The following MYO7B variants were observed in gnomAD, a reference collection of about 807,000 sequenced individuals.
MYO7B encodes unconventional myosin-VIIb.
In MYO7B, 212 loss-of-function variants were observed where a neutral mutation model predicts 259.7. That is an observed-to-expected ratio of 0.82 (90% CI 0.73 to 0.91). The LOEUF is 0.91. Ranked by LOEUF, MYO7B falls within the 40% of genes least tolerant of loss-of-function variation. MYO7B has a pLI of 0.00. For missense variants in MYO7B, 2,732 were observed against 2,813.5 expected (o/e 0.97, Z 0.66); for synonymous variants, 1,197 against 1,166.4 (o/e 1.03, Z -0.54).
Position 127,539,297 on chromosome 2 carries a change from T to C in MYO7B, c.-24+3466T>C, listed in dbSNP as rs1490499264. On this transcript the variant is annotated intron_variant, in intron 1 of 47. Coordinates refer to ENST00000409816, the MANE Select transcript of MYO7B (RefSeq NM_001393586.1). This position sits in a 1 kb window ranked among gnomAD's most constrained non-coding sequence, Gnocchi z 4.0. Reference sequence around the variant, plus strand: ...TACACTGCAGCTGGGAAAATGTTAGTAAACAAAATGTACATCAGAAAATCC... The same window carrying C: ...TACACTGCAGCTGGGAAAATGTTAGCAAACAAAATGTACATCAGAAAATCC... 6.6e-6 allele frequency among the ~76,000 whole-genome samples: 1 copy of C among 152,326 alleles called. No homozygotes were observed. The highest frequency in any genetic ancestry group is 6.5e-5 in the Admixed American group (1 of 15,300).
intron 5 of MYO7B, among the ~76,000 whole-genome samples, chr2:127,568,112 A>C (rs573931168): frequency 1.3e-5 from 2 of 152,332 alleles, no homozygotes; most frequent in South Asian, 4.1e-4. Flanking sequence ...CCAGTGGTAC[A>C]CAGCAGTGAA....
intron 16 of MYO7B, 30 bp from the exon 17 acceptor site, chr2:127,592,764 G>A: frequency 1.3e-6 from 2 of 1,595,196 alleles, no homozygotes; most frequent in South Asian, 2.3e-5. Flanking sequence ...TGGGGCTTGC[G>A]CTGGGTCAGC....
intron 9 of MYO7B, among the ~76,000 whole-genome samples, chr2:127,579,084 A>G (rs771147146): frequency 1.4e-4 from 21 of 152,172 alleles, no homozygotes; most frequent in Non-Finnish European, 2.9e-4. Flanking sequence ...GGAATGTGTG[A>G]GCTGGAGGGA....
rs778712199 is a variant in MYO7B at position 127,584,340 on chromosome 2, T to C, written c.1554+8T>C. ...GAAAGCCGCTTCCCGCAGGTGTGTG[T>C]TCGGGCCTGCCGACCTTCTGGTGGA... On this transcript the variant is annotated splice_region_variant and intron_variant, in intron 13 of 47. Coordinates refer to ENST00000409816, the MANE Select transcript of MYO7B (RefSeq NM_001393586.1). This position sits in a 1 kb window ranked among gnomAD's most constrained non-coding sequence, Gnocchi z 5.8. 24 of 1,613,474 alleles carry C rather than the reference T, an allele frequency of 1.5e-5. No homozygotes were observed. Among genetic ancestry groups the C allele is most frequent in the Non-Finnish European group, 1.9e-5 (22 of 1,179,684 alleles).
intron 3 of MYO7B, among the ~76,000 whole-genome samples, chr2:127,564,670 G>A (rs534098739): frequency 6.6e-6 from 1 of 152,256 alleles, no homozygotes; most frequent in East Asian, 1.9e-4. Context: ...GCTAGGTGGT[G>A]AGCAGGGAAG....
chr2:127,565,743 C>T (rs987667530), intron 4 of MYO7B, among the ~76,000 whole-genome samples: 1 of 152,214 alleles, frequency 6.6e-6, no homozygotes, highest in Non-Finnish European at 1.5e-5. Flanking sequence ...AAGAGTGAGG[C>T]CCGTGACAGC....
chr2:127,635,834 G>C lies in MYO7B; in HGVS notation c.5933G>C (p.Ser1978Thr). 2 of 1,585,130 alleles carry C rather than the reference G, an allele frequency of 1.3e-6. No individual in the cohort carries two copies. Among genetic ancestry groups the C allele is most frequent in the Non-Finnish European group, 8.6e-7 (1 of 1,166,182 alleles). ...AACAACGACCGGTCCCAGCTGGCTA[G>C]TGTCCCCAAGATCCTGAGGGAACTG... ...QFNNDRSQLA[S>T]VPKILRELVP... The change falls in exon 44 of 48, where the codon AGT becomes ACT. Residue 1978 changes from serine to threonine, a missense_variant. Ser to Thr is a moderately conservative substitution (Grantham distance 58). Coordinates refer to ENST00000409816, the MANE Select transcript of MYO7B (RefSeq NM_001393586.1).
At chr2:127,618,099 G>A (rs988666983) in intron 26 of MYO7B, among the ~76,000 whole-genome samples, 3 of 151,874 alleles carry the variant, frequency 2.0e-5, no homozygotes, top group African/African-American at 7.3e-5. Flanking sequence ...GTCCCTGCAG[G>A]CCTCTTCAGG....
intron 26 of MYO7B, among the ~76,000 whole-genome samples, chr2:127,618,779 A>C (rs899342083): frequency 8.5e-5 from 13 of 152,314 alleles, no homozygotes; most frequent in African/African-American, 3.1e-4. Flanking sequence ...AGTTTTAAGC[A>C]AGAGAGGATC....
intron 16 of MYO7B, among the ~76,000 whole-genome samples, chr2:127,592,422 A>T (rs1360128319): frequency 6.6e-6 from 1 of 152,118 alleles, no homozygotes; most frequent in Non-Finnish European, 1.5e-5. Flanking sequence ...AAATTTAAAA[A>T]ATTTTTTTAA....
rs1320903144 is a variant in MYO7B, at chr2:127,584,540, C to G, written c.1554+208C>G. On this transcript the variant is annotated intron_variant, in intron 13 of 47. Coordinates refer to ENST00000409816, the MANE Select transcript of MYO7B (RefSeq NM_001393586.1). The surrounding 1 kb of genome is among the most constrained non-coding windows in gnomAD (Gnocchi z 5.8). Reference sequence around the variant, plus strand: ...CTGCTGGGGTCCTCAGACAGTAGTTCAGAGGGTGGAGCAGAAGAGCTGGTG... The same window carrying G: ...CTGCTGGGGTCCTCAGACAGTAGTTGAGAGGGTGGAGCAGAAGAGCTGGTG... Among the ~76,000 whole-genome samples the G allele has an allele frequency of 1.3e-5, 2 of 152,172 alleles. No homozygotes were observed. Among genetic ancestry groups the G allele is most frequent in the African/African-American group, 4.8e-5 (2 of 41,440 alleles).
At chr2:127,626,628 A>C in intron 31 of MYO7B, 1 of 192,638 alleles carries the variant, frequency 5.2e-6, no homozygotes. Context: ...AAAACACAGA[A>C]ATTAGCCAGG....
At position 127,609,551 on chromosome 2, in the gene MYO7B, A is replaced by T; in HGVS notation, c.2860A>T (p.Thr954Ser). Reference protein sequence around the residue: ...TQKLLEVDLDTVPMAEEPEED... With the variant: ...TQKLLEVDLDSVPMAEEPEED... ...GAAGCTGCTTGAGGTTGACCTGGAC[A>T]CAGTCCCCATGGCGGAGGAGCCTGA... Residue 954 changes from threonine (T) to serine (S), a missense_variant, in exon 23 of 48, where the codon ACA becomes TCA. Coordinates refer to ENST00000409816, the MANE Select transcript of MYO7B (RefSeq NM_001393586.1). The surrounding 1 kb of genome is among the most constrained non-coding windows in gnomAD (Gnocchi z 6.9). The T allele has an allele frequency of 4.3e-6, 7 of 1,613,930 alleles. No individual in the cohort carries two copies. The highest frequency in any genetic ancestry group is 5.9e-6 in the Non-Finnish European group (7 of 1,179,840).
chr2:127,548,350 T>C (rs1424588538), intron 1 of MYO7B, among the ~76,000 whole-genome samples: 1 of 152,010 alleles, frequency 6.6e-6, no homozygotes, highest in East Asian at 1.9e-4. Flanking sequence ...CTTCTTACTT[T>C]AGGATGATAT....
chr2:127,595,020 A>G (rs539709889), intron 18 of MYO7B, among the ~76,000 whole-genome samples: 19 of 152,264 alleles, frequency 1.2e-4, no homozygotes, highest in African/African-American at 4.3e-4. Context: ...CTGCTTTTCA[A>G]TTGTTTGGAA....
Position 127,597,554 on chromosome 2 carries a change from G to A in MYO7B, c.2339+998G>A, listed in dbSNP as rs1347841378. Among the ~76,000 whole-genome samples the A allele has an allele frequency of 1.3e-5, 2 of 151,816 alleles. No homozygotes were observed. The highest frequency in any genetic ancestry group is 2.9e-5 in the Non-Finnish European group (2 of 67,968). On this transcript the variant is annotated intron_variant, in intron 19 of 47. Transcript: ENST00000409816. This position sits in a 1 kb window ranked among gnomAD's most constrained non-coding sequence, Gnocchi z 4.8. ...ATTATACAACATGCAGCCTGGGGTGGGCTTTTTTCACTTGGCATGTTTCTC... is the reference window on the plus strand; with the variant it reads ...ATTATACAACATGCAGCCTGGGGTGAGCTTTTTTCACTTGGCATGTTTCTC...
At chr2:127,632,118 G>T in intron 38 of MYO7B, 128 bp from the exon 39 acceptor site, 1 of 1,115,078 alleles carries the variant, frequency 9.0e-7, no homozygotes, top group Non-Finnish European at 1.3e-6. Context: ...GTGCAGCCTG[G>T]CAGGTGCCCT....
intron 1 of MYO7B, among the ~76,000 whole-genome samples, chr2:127,536,579 A>G (rs1446361025): frequency 6.6e-6 from 1 of 152,028 alleles, no homozygotes; most frequent in Non-Finnish European, 1.5e-5. Context: ...CATTTCACAG[A>G]GGACGAAACT....
chr2:127,614,001 G>GGGACT lies in MYO7B; in HGVS notation c.3398+1398_3398+1399insGGACT. The stretch of plus-strand genomic sequence containing the variant: ...CTCTCTCCTCTGGTTCTTCAAGCCA[G>GGGACT]TAAGACTACAGGGCTTCTCAAGTTT... On this transcript the variant is annotated intron_variant, in intron 26 of 47. Coordinates refer to ENST00000409816, the MANE Select transcript of MYO7B (RefSeq NM_001393586.1). The surrounding 1 kb of genome is among the most constrained non-coding windows in gnomAD (Gnocchi z 4.6). 6.6e-6 allele frequency among the ~76,000 whole-genome samples: 1 copy of GGGACT among 152,302 alleles called. No homozygotes were observed. Among genetic ancestry groups the GGGACT allele is most frequent in the East Asian group, 1.9e-4 (1 of 5,184 alleles).
Sources: allele counts gnomAD v4.1 joint callset (sites outside exome capture counted in the v4.1 genomes callset), GRCh38; gene constraint gnomAD v4.1.1; non-coding constraint Gnocchi (gnomAD v3.1); transcripts MANE v1.5; gene names NCBI Gene and HGNC (gene_info 2026-07-23, HGNC 2026-07-21).